Variants in SPATA6 observed in about 807,000 individuals in gnomAD.
SPATA6 encodes the protein spermatogenesis-associated protein 6.
SPATA6 carries 56 observed loss-of-function variants against 65.3 expected under a neutral mutation model. That is an observed-to-expected ratio of 0.86 (90% confidence interval 0.69 to 1.07). The LOEUF (loss-of-function observed/expected upper bound fraction) is 1.07, where lower values mean the gene tolerates loss of function less well. SPATA6 is among the 50% of genes least tolerant of loss of function. The probability of loss-of-function intolerance (pLI) is 0.00; values close to 1 mark genes in which losing one functional copy is unlikely to be tolerated. For synonymous variants in SPATA6, 199 were observed against 213.2 expected (o/e 0.93, Z 0.58); for missense variants, 590 against 594.8 (o/e 0.99, Z 0.08).
Position 48,334,526 on chromosome 1 carries a change from A to T in SPATA6, c.1194+21144T>A, listed in dbSNP as rs977602313. ...ACTCATCACATAAACAGAACTAAAA[A>T]CAAAAACCATATGATTATATCAATG... On this transcript the variant is annotated intron_variant, in intron 11 of 12. Transcript: ENST00000371847. Among the ~76,000 whole-genome samples, 6 of 152,326 alleles carry T rather than the reference A, an allele frequency of 3.9e-5. No homozygotes were observed. In the South Asian group the frequency reaches 1.0e-3, roughly 26 times the overall value.
intron 9 of SPATA6, among the ~76,000 whole-genome samples, chr1:48,374,084 G>A (rs573753505): frequency 2.6e-5 from 4 of 152,302 alleles, no homozygotes; most frequent in South Asian, 2.1e-4. Context: ...GTGTATAGCC[G>A]ATAAGTAAGA....
the SPATA6 span, among the ~76,000 whole-genome samples, chr1:48,281,721 G>A: frequency 1.3e-5 from 2 of 151,852 alleles, no homozygotes; most frequent in Admixed American, 6.6e-5. Context: ...CATGCTCATG[G>A]GTAGGAAGAA....
intron 11 of SPATA6, among the ~76,000 whole-genome samples, chr1:48,310,165 G>A (rs1430746494): frequency 2.6e-5 from 4 of 152,264 alleles, no homozygotes; most frequent in East Asian, 1.9e-4. Flanking sequence ...TTGGCAATGA[G>A]GTTTAACAAT....
chr1:48,439,850 C>T (rs899259857), intron 3 of SPATA6, among the ~76,000 whole-genome samples: 1 of 152,040 alleles, frequency 6.6e-6, no homozygotes, highest in Non-Finnish European at 1.5e-5. Context: ...ATGGCCTGGC[C>T]CCAATATTCT....
At chr1:48,276,448 C>A in the SPATA6 span, among the ~76,000 whole-genome samples, 1 of 152,104 alleles carries the variant, frequency 6.6e-6, no homozygotes, top group African/African-American at 2.4e-5. Context: ...TTAGATCTTT[C>A]CCACTTTCAC....
At chr1:48,284,476 G>T in the SPATA6 span, among the ~76,000 whole-genome samples, 1 of 152,094 alleles carries the variant, frequency 6.6e-6, no homozygotes, top group Non-Finnish European at 1.5e-5. Context: ...CCCTTGCTGG[G>T]GAGGAGTTGT....
chr1:48,364,698 G>A (rs187559387), intron 9 of SPATA6, among the ~76,000 whole-genome samples: 68 of 152,280 alleles, frequency 4.5e-4, no homozygotes, highest in African/African-American at 1.3e-3. Flanking sequence ...CTGGATGTTA[G>A]CCCTTTGGCA....
intron 8 of SPATA6, among the ~76,000 whole-genome samples, chr1:48,394,061 G>C (rs2147905049): frequency 6.6e-6 from 1 of 152,150 alleles, no homozygotes; most frequent in Admixed American, 6.6e-5. Context: ...AGAGGAAAGA[G>C]AAAAAGAGAA....
chr1:48,378,463 C>T (rs952491523), intron 9 of SPATA6, among the ~76,000 whole-genome samples: 1 of 152,072 alleles, frequency 6.6e-6, no homozygotes, highest in Non-Finnish European at 1.5e-5. Flanking sequence ...TTTCTCACTG[C>T]TGATAAAGAC....
At chr1:48,299,396 C>T (rs1644876678) in intron 12 of SPATA6, among the ~76,000 whole-genome samples, 1 of 151,190 alleles carries the variant, frequency 6.6e-6, no homozygotes, top group Admixed American at 6.6e-5. Flanking sequence ...TGCCTATAAT[C>T]CCAGCTACTC....
At chr1:48,294,411 T>G (rs1033168074), downstream of SPATA6, among the ~76,000 whole-genome samples, 12 of 152,112 alleles carry the variant, frequency 7.9e-5, no homozygotes, top group African/African-American at 2.7e-4. Flanking sequence ...GCCCTCAAAC[T>G]ATCTCACTAC....
intron 1 of SPATA6, among the ~76,000 whole-genome samples, chr1:48,454,014 T>G (rs1656808510): frequency 1.3e-5 from 2 of 151,742 alleles, no homozygotes; most frequent in South Asian, 4.2e-4. Context: ...ATTCTTTTTT[T>G]TTTTTTTTAG....
At chr1:48,425,995 A>G (rs573823764) in intron 3 of SPATA6, among the ~76,000 whole-genome samples, 32 of 152,324 alleles carry the variant, frequency 2.1e-4, no homozygotes, top group Non-Finnish European at 4.6e-4. Flanking sequence ...TGTGTTAAAA[A>G]TAACTTGCTC....
At chr1:48,335,506 C>A (rs1646035660) in intron 11 of SPATA6, among the ~76,000 whole-genome samples, 1 of 152,124 alleles carries the variant, frequency 6.6e-6, no homozygotes, top group African/African-American at 2.4e-5. Context: ...GCCATCTGAT[C>A]TTTGACAAAG....
chr1:48,406,163 G>A (rs1651685171), intron 5 of SPATA6, among the ~76,000 whole-genome samples: 1 of 152,040 alleles, frequency 6.6e-6, no homozygotes, highest in Admixed American at 6.6e-5. Flanking sequence ...GGAGGTCAAG[G>A]CTGCAGTAAG....
chr1:48,351,889 C>T (rs537070785), intron 11 of SPATA6, among the ~76,000 whole-genome samples: 1 of 152,128 alleles, frequency 6.6e-6, no homozygotes, highest in African/African-American at 2.4e-5. Flanking sequence ...CCAGAGAAAC[C>T]ATCTGGGCCT....
chr1:48,374,546 T>G (rs983184693), intron 9 of SPATA6, among the ~76,000 whole-genome samples: 1 of 152,178 alleles, frequency 6.6e-6, no homozygotes. Flanking sequence ...AATAAAGCTA[T>G]AAACCAGTAA....
intron 11 of SPATA6, among the ~76,000 whole-genome samples, chr1:48,343,455 G>C (rs1646274530): frequency 6.6e-6 from 1 of 152,170 alleles, no homozygotes. Context: ...AGATGAAGCG[G>C]AATGAGGAGT....
At chr1:48,282,114 G>A in the SPATA6 span, among the ~76,000 whole-genome samples, 1 of 152,176 alleles carries the variant, frequency 6.6e-6, no homozygotes, top group South Asian at 2.1e-4. Context: ...ATGGTGCTGG[G>A]AAAACTGGCT....
Sources: gnomAD v4.1 joint callset for allele counts (sites outside exome capture counted in the v4.1 genomes callset) on GRCh38, gnomAD v4.1.1 for gene constraint, MANE v1.5 for transcripts, NCBI Gene and HGNC (gene_info 2026-07-23, HGNC 2026-07-21) for gene names.